ATP2B1: variants seen among roughly 807,000 people sequenced by gnomAD.
ATP2B1 encodes ATPase plasma membrane Ca2+ transporting 1.
Under a neutral mutation model 124.2 loss-of-function variants are expected in ATP2B1, and 14 were observed. The ratio of observed to expected loss-of-function variants is 0.11; its 90% CI spans 0.07 to 0.18. The LOEUF is 0.18. ATP2B1 is among the 10% of genes least tolerant of loss of function. The pLI, the probability that ATP2B1 is intolerant of heterozygous loss-of-function variation, is 1.00. For missense variants in ATP2B1, 763 were observed against 1,466.1 expected (o/e 0.52, Z 7.83); for synonymous variants, 449 against 492.4 (o/e 0.91, Z 1.17).
intron 1 of ATP2B1, among the ~76,000 whole-genome samples, chr12:89,705,203 T>A (rs1892312586): frequency 6.6e-6 from 1 of 152,112 alleles, no homozygotes; most frequent in African/African-American, 2.4e-5. Flanking sequence ...TTTATGAAAA[T>A]TATTCCCATA....
intron 1 of ATP2B1, among the ~76,000 whole-genome samples, chr12:89,676,494 G>A (rs769158506): frequency 6.6e-6 from 1 of 151,976 alleles, no homozygotes; most frequent in Non-Finnish European, 1.5e-5. Flanking sequence ...GTCTCACTAC[G>A]TTGCCCAGGC....
intron 7 of ATP2B1, among the ~76,000 whole-genome samples, chr12:89,627,071 A>G (rs1010607981): frequency 6.6e-6 from 1 of 152,152 alleles, no homozygotes; most frequent in Non-Finnish European, 1.5e-5. Context: ...GCTACTAACT[A>G]TATAATAACC....
intron 5 of ATP2B1, among the ~76,000 whole-genome samples, chr12:89,631,717 G>A (rs573572422): frequency 6.6e-6 from 1 of 152,110 alleles, no homozygotes; most frequent in African/African-American, 2.4e-5. Context: ...AATCAGAGAT[G>A]GGAACATGGA....
At chr12:89,707,398 A>G (rs1431254545) in intron 1 of ATP2B1, among the ~76,000 whole-genome samples, 1 of 152,180 alleles carries the variant, frequency 6.6e-6, no homozygotes, top group Non-Finnish European at 1.5e-5. Context: ...TAAACACAAC[A>G]AAGGCTTCCA....
At chr12:89,671,043 A>T (rs1255324943) in intron 1 of ATP2B1, among the ~76,000 whole-genome samples, 1 of 152,004 alleles carries the variant, frequency 6.6e-6, no homozygotes. Context: ...ATTAAAATTT[A>T]AAATCATTAT....
In ATP2B1 at chr12:89,589,043, C is replaced by T. The variant is rs1873099506; in HGVS notation, c.*1941G>A. On this transcript the variant is annotated 3_prime_UTR_variant, in exon 21 of 21. Coordinates refer to ENST00000428670, the MANE Select transcript of ATP2B1 (RefSeq NM_001366521.1). ...ATATGCTTTCCAGCATATCATGCTACCTCTTTTTTACAGTATGATTCACTA... is the reference window on the plus strand; with the variant it reads ...ATATGCTTTCCAGCATATCATGCTATCTCTTTTTTACAGTATGATTCACTA... 1 of 152,558 alleles carries T rather than the reference C, an allele frequency of 6.6e-6. No homozygotes were observed. Among genetic ancestry groups the T allele is most frequent in the South Asian group, 2.1e-4 (1 of 4,828 alleles). The allele number at this position is 152,558 out of a possible 1,614,324, so 9.5% of individuals were successfully genotyped here. A position where few individuals can be genotyped will look rare whatever the true frequency, so the allele number is the denominator to read the frequency against.
At chr12:89,645,341 T>C (rs1179855231) in intron 2 of ATP2B1, among the ~76,000 whole-genome samples, 1 of 152,212 alleles carries the variant, frequency 6.6e-6, no homozygotes, top group African/African-American at 2.4e-5. Flanking sequence ...TTTGTAACAA[T>C]AGTCTGTTTC....
chr12:89,703,159 C>G (rs1167730560), intron 1 of ATP2B1, among the ~76,000 whole-genome samples: 1 of 152,112 alleles, frequency 6.6e-6, no homozygotes, highest in Non-Finnish European at 1.5e-5. Context: ...AATGCAGATA[C>G]AGGCTATTTG....
intron 20 of ATP2B1, chr12:89,598,583 C>A (rs1875153771): frequency 6.8e-6 from 11 of 1,612,104 alleles, no homozygotes; most frequent in Non-Finnish European, 9.3e-6. Flanking sequence ...TAGGAACACA[C>A]ACTCACACCC....
At chr12:89,625,349 T>G (rs1400015084) in intron 8 of ATP2B1, among the ~76,000 whole-genome samples, 1 of 151,670 alleles carries the variant, frequency 6.6e-6, no homozygotes, top group Non-Finnish European at 1.5e-5. Context: ...TTTGGGAAGC[T>G]AAGGTGGGAG....
chr12:89,708,043 G>A (rs1228630849), intron 1 of ATP2B1, among the ~76,000 whole-genome samples: 2 of 152,148 alleles, frequency 1.3e-5, no homozygotes, highest in Non-Finnish European at 2.9e-5. Context: ...TCCAACTCCC[G>A]AGGAATCACC....
At chr12:89,610,554 T>G in intron 13 of ATP2B1, 46 bp from the exon 14 acceptor site, 2 of 1,458,196 alleles carry the variant, frequency 1.4e-6, no homozygotes, top group Non-Finnish European at 1.9e-6. Flanking sequence ...CATAGTTTCT[T>G]AAATCCTAAT....
intron 1 of ATP2B1, among the ~76,000 whole-genome samples, chr12:89,707,862 C>A (rs1035168144): frequency 1.3e-5 from 2 of 152,184 alleles, no homozygotes; most frequent in Non-Finnish European, 2.9e-5. Flanking sequence ...CAGCCCCCAC[C>A]CCACACCCCT....
At chr12:89,686,067 T>G (rs944918071) in intron 1 of ATP2B1, among the ~76,000 whole-genome samples, 1 of 152,136 alleles carries the variant, frequency 6.6e-6, no homozygotes, top group African/African-American at 2.4e-5. Flanking sequence ...ACAGATCCAC[T>G]TTTGCTTCGG....
rs1311569457 is a variant in ATP2B1, at chr12:89,589,551, G to A, written c.*1433C>T. On this transcript the variant is annotated 3_prime_UTR_variant, in exon 21 of 21. Transcript: ENST00000428670. ...ATCAAAGACAATGGTGGTCATTGTT[G>A]TTATGTTTTTTACCTGTGAGACTAT... The A allele has an allele frequency of 2.0e-5, 3 of 152,074 alleles. No individual in the cohort carries two copies. The allele number at this position is 152,074 out of a possible 1,614,324, so 9.4% of individuals were successfully genotyped here. A position where few individuals can be genotyped will look rare whatever the true frequency, so the allele number is the denominator to read the frequency against.
At chr12:89,682,154 C>T (rs918580475) in intron 1 of ATP2B1, among the ~76,000 whole-genome samples, 1 of 151,946 alleles carries the variant, frequency 6.6e-6, no homozygotes, top group Non-Finnish European at 1.5e-5. Flanking sequence ...AGATTAAAGA[C>T]ACTTATGAAT....
intron 1 of ATP2B1, among the ~76,000 whole-genome samples, chr12:89,683,933 GCTGGAAA>G (rs1374810718): frequency 2.0e-5 from 3 of 152,102 alleles, no homozygotes; most frequent in Non-Finnish European, 4.4e-5. Context: ...AATTCAAAAT[GCTGGAAA>G]CTACTTGAAT....
chr12:89,598,256 A>C (rs1875080510), intron 20 of ATP2B1, among the ~76,000 whole-genome samples: 1 of 152,192 alleles, frequency 6.6e-6, no homozygotes, highest in Non-Finnish European at 1.5e-5. Context: ...GAAACATGCA[A>C]TATAAACATG....
At position 89,694,755 on chromosome 12, in the gene ATP2B1, C is replaced by T. The variant is rs553723001; in HGVS notation, c.-222+13841G>A. On this transcript the variant is annotated intron_variant, in intron 1 of 20. Transcript: ENST00000428670. The stretch of plus-strand genomic sequence containing the variant: ...ATTGTGACAGAAGGCCAGAGATCAC[C>T]ATCAAGAATTCTAAGAACTGGCCAG... 1.3e-3 allele frequency among the ~76,000 whole-genome samples: 200 copies of T among 152,184 alleles called. 1 individual carries two copies. Among genetic ancestry groups the T allele is most frequent in the African/African-American group, 4.6e-3 (191 of 41,542 alleles).
Sources: allele counts gnomAD v4.1 joint callset (sites outside exome capture counted in the v4.1 genomes callset), GRCh38; gene constraint gnomAD v4.1.1; transcripts MANE v1.5; gene names NCBI Gene and HGNC (gene_info 2026-07-23, HGNC 2026-07-21).